The following FMN1 variants were observed in gnomAD, a reference collection of about 807,000 sequenced individuals.
The protein encoded by FMN1 is formin 1.
FMN1 carries 110 observed loss-of-function variants against 132.4 expected under a neutral mutation model. The ratio of observed to expected loss-of-function variants is 0.83; its 90% CI spans 0.71 to 0.97. The LOEUF (loss-of-function observed/expected upper bound fraction) is 0.97, where lower values mean the gene tolerates loss of function less well. Ranked by LOEUF, FMN1 falls within the 50% of genes least tolerant of loss-of-function variation. The pLI is 0.00. For missense variants in FMN1, 1,792 were observed against 1,705.3 expected (o/e 1.05, Z -0.90); for synonymous variants, 722 against 651.7 (o/e 1.11, Z -1.64).
At chr15:33,038,656 G>A (rs1387941980) in intron 6 of FMN1, among the ~76,000 whole-genome samples, 1 of 152,106 alleles carries the variant, frequency 6.6e-6, no homozygotes, top group Non-Finnish European at 1.5e-5. Flanking sequence ...GGCGTGTTTT[G>A]TATTTTAATA....
At chr15:33,087,240 A>G (rs1358817837) in intron 5 of FMN1, among the ~76,000 whole-genome samples, 2 of 152,216 alleles carry the variant, frequency 1.3e-5, no homozygotes, top group African/African-American at 4.8e-5. Context: ...CAATGAAAAC[A>G]AGAATGAATA....
At chr15:33,007,374 G>A (rs1031219060) in intron 7 of FMN1, among the ~76,000 whole-genome samples, 1 of 152,154 alleles carries the variant, frequency 6.6e-6, no homozygotes, top group Admixed American at 6.5e-5. Context: ...TCAGTATCCA[G>A]TTATTTGAAG....
At chr15:32,781,298 T>C (rs1290112140) in intron 19 of FMN1, among the ~76,000 whole-genome samples, 2 of 152,250 alleles carry the variant, frequency 1.3e-5, no homozygotes, top group Admixed American at 1.3e-4. Flanking sequence ...ACATACTTGT[T>C]GGCATCTGTA....
At chr15:32,934,490 A>T (rs905316017) in intron 9 of FMN1, among the ~76,000 whole-genome samples, 7 of 151,964 alleles carry the variant, frequency 4.6e-5, no homozygotes, top group Non-Finnish European at 8.8e-5. Flanking sequence ...TCAACTTTAA[A>T]GGCTTTCCTG....
chr15:32,929,941 G>C (rs977108093), intron 9 of FMN1, among the ~76,000 whole-genome samples: 4 of 148,522 alleles, frequency 2.7e-5, no homozygotes, highest in Admixed American at 2.0e-4. Context: ...TAAATATCCA[G>C]AAGAAAGATT....
chr15:33,016,809 G>C (rs773548745), intron 6 of FMN1, among the ~76,000 whole-genome samples: 3 of 152,158 alleles, frequency 2.0e-5, no homozygotes, highest in Non-Finnish European at 4.4e-5. Context: ...TGATAGTAAA[G>C]GCTTTGACGC....
chr15:32,958,141 A>G (rs2140546861), intron 9 of FMN1, among the ~76,000 whole-genome samples: 1 of 152,344 alleles, frequency 6.6e-6, no homozygotes, highest in African/African-American at 2.4e-5. Context: ...TTACTCAAAG[A>G]TTTGGCTTCC....
intron 6 of FMN1, among the ~76,000 whole-genome samples, chr15:33,044,893 C>T (rs2036607055): frequency 6.6e-6 from 1 of 152,230 alleles, no homozygotes; most frequent in Non-Finnish European, 1.5e-5. Context: ...CCTCATTCTT[C>T]CTGTTGTGAG....
chr15:32,938,117 CGT>C (rs1443875709), intron 9 of FMN1, among the ~76,000 whole-genome samples: 1 of 151,712 alleles, frequency 6.6e-6, no homozygotes, highest in East Asian at 1.9e-4. Context: ...CACTGTGTAG[CGT>C]GTTTTTTTCA....
chr15:32,889,991 T>C (rs1411913509), intron 15 of FMN1, among the ~76,000 whole-genome samples: 1 of 152,190 alleles, frequency 6.6e-6, no homozygotes, highest in East Asian at 1.9e-4. Flanking sequence ...CCTCATAGCT[T>C]AGCTACCACA....
chr15:32,873,313 T>C (rs1180120241), intron 16 of FMN1, among the ~76,000 whole-genome samples: 3 of 152,062 alleles, frequency 2.0e-5, no homozygotes, highest in Non-Finnish European at 2.9e-5. Flanking sequence ...GAAAATAGAG[T>C]TGAATATCAG....
chr15:32,888,330 C>T, intron 15 of FMN1, 38 bp from the exon 16 acceptor site: 2 of 1,510,508 alleles, frequency 1.3e-6, no homozygotes, highest in East Asian at 2.3e-5. Flanking sequence ...TTATACTTCC[C>T]AATTGTCACT....
In FMN1 at chr15:32,856,982, C is replaced by T. The variant is rs747040572; in HGVS notation, c.3928+33G>A. On this transcript the variant is annotated intron_variant, in intron 17 of 20. Coordinates refer to ENST00000616417, the MANE Select transcript of FMN1 (RefSeq NM_001277313.2). ...TCATGGAATGAAGGATGTTTCAGGGCCACGTGTATGTGCGGCTGACAAAGC... is the reference window on the plus strand; with the variant it reads ...TCATGGAATGAAGGATGTTTCAGGGTCACGTGTATGTGCGGCTGACAAAGC... 6 of 1,458,114 alleles carry T rather than the reference C, an allele frequency of 4.1e-6. No homozygotes were observed. In the South Asian group the frequency reaches 4.6e-5, roughly 11 times the overall value. 90.3% of individuals were successfully genotyped at this position (1,458,114 alleles called of 1,614,324 possible).
At chr15:32,832,689 A>T (rs2058530339) in intron 17 of FMN1, among the ~76,000 whole-genome samples, 1 of 152,070 alleles carries the variant, frequency 6.6e-6, no homozygotes, top group South Asian at 2.1e-4. Flanking sequence ...GAGGCAGGGG[A>T]ATCGCTTGAA....
intron 5 of FMN1, among the ~76,000 whole-genome samples, chr15:33,081,375 C>G (rs1311679182): frequency 1.3e-5 from 2 of 152,046 alleles, no homozygotes; most frequent in African/African-American, 4.8e-5. Context: ...TACTTGAATA[C>G]AATATGTAAT....
chr15:32,893,076 A>T (rs347931), intron 15 of FMN1, among the ~76,000 whole-genome samples: 3 of 152,034 alleles, frequency 2.0e-5, no homozygotes, highest in African/African-American at 7.2e-5. Flanking sequence ...GTTTTCTTGT[A>T]GTTTCAGGAA....
intron 5 of FMN1, among the ~76,000 whole-genome samples, chr15:33,073,353 GA>G (rs1452826463): frequency 6.6e-6 from 1 of 152,158 alleles, no homozygotes; most frequent in East Asian, 1.9e-4. Flanking sequence ...AGCTTCATGC[GA>G]AAACCGTTTG....
chr15:32,981,518 A>AAATAATAATAAT (rs34776483), intron 7 of FMN1, among the ~76,000 whole-genome samples: 34 of 140,636 alleles, frequency 2.4e-4, no homozygotes, highest in African/African-American at 8.6e-4. Flanking sequence ...ACTCCATCTC[A>AAATAATAATAAT]AATAATAATA....
At chr15:33,056,148 G>A (rs1333724942) in intron 6 of FMN1, among the ~76,000 whole-genome samples, 1 of 152,186 alleles carries the variant, frequency 6.6e-6, no homozygotes, top group Non-Finnish European at 1.5e-5. Context: ...AGCATCATCT[G>A]CTGACATAGA....
Sources: allele counts gnomAD v4.1 joint callset (sites outside exome capture counted in the v4.1 genomes callset), GRCh38; gene constraint gnomAD v4.1.1; transcripts MANE v1.5; gene names NCBI Gene and HGNC (gene_info 2026-07-23, HGNC 2026-07-21).